ZNF790: variants seen among roughly 807,000 people sequenced by gnomAD.
ZNF790 encodes the protein zinc finger protein 790.
ZNF790 carries 8 observed loss-of-function variants against 12.1 expected under a neutral mutation model. That is an observed-to-expected ratio of 0.66 (90% CI 0.39 to 1.19). The LOEUF is 1.19. Ranked by LOEUF, ZNF790 falls within the 50% of genes most tolerant of loss-of-function variation. ZNF790 has a pLI of 0.01. For missense variants in ZNF790, 707 were observed against 752.2 expected (o/e 0.94, Z 0.70); for synonymous variants, 252 against 244.3 (o/e 1.03, Z -0.29).
chr19:36,819,417 G>T lies in ZNF790; in HGVS notation c.927C>A (p.Pro309=). The change falls in exon 5 of 5, where the codon CCC becomes CCA. Residue 309 remains proline (P), a synonymous_variant. Coordinates refer to ENST00000356725, the MANE Select transcript of ZNF790 (RefSeq NM_206894.4). The stretch of plus-strand genomic sequence containing the variant: ...CCTTTCTACATTCATTACATTCATA[G>T]GGTTTTTCACCAGTATGAATTCTCT... ...RHQRIHTGEK[P]YECNECRKAF... 6.8e-6 allele frequency: 11 copies of T among 1,610,156 alleles called. No homozygotes were observed. Among genetic ancestry groups the T allele is most frequent in the Non-Finnish European group, 9.3e-6 (11 of 1,177,750 alleles).
rs2071587426 is a variant in ZNF790 at position 36,818,310 on chromosome 19, G to A, written c.*123C>T. 7 of 836,758 alleles carry A rather than the reference G, an allele frequency of 8.4e-6. No individual in the cohort carries two copies. The highest frequency in any genetic ancestry group is 1.2e-5 in the Non-Finnish European group (7 of 576,096). 51.8% of individuals were successfully genotyped at this position (836,758 alleles called of 1,614,324 possible). ...GCTGCTGCTGCTGCTGCTGCTGGAT[G>A]TGTGCTCTGTTAAAATGCCTTCCAA... On this transcript the variant is annotated 3_prime_UTR_variant, in exon 5 of 5. Coordinates refer to ENST00000356725, the MANE Select transcript of ZNF790 (RefSeq NM_206894.4).
At position 36,823,282 on chromosome 19, in the gene ZNF790, C is replaced by T; in HGVS notation, c.229+3G>A. 2 of 1,613,606 alleles carry T rather than the reference C, an allele frequency of 1.2e-6. No individual in the cohort carries two copies. Among genetic ancestry groups the T allele is most frequent in the Non-Finnish European group, 1.7e-6 (2 of 1,179,624 alleles). On this transcript the variant is annotated splice_donor_region_variant and intron_variant, in intron 4 of 4. Coordinates refer to ENST00000356725, the MANE Select transcript of ZNF790 (RefSeq NM_206894.4). ...TCCTTGTGCGTGTTCAGCCCTCACT[C>T]ACCTGGGCAAGGTCCTCTTGTCTCA...
rs1247143860 is a variant in ZNF790, at chr19:36,848,108, C to T, written c.-74+1894G>A. Among the ~76,000 whole-genome samples, 7 of 152,320 alleles carry T rather than the reference C, an allele frequency of 4.6e-5. No individual in the cohort carries two copies. In the East Asian group the frequency reaches 1.4e-3, roughly 29 times the overall value. On this transcript the variant is annotated intron_variant, in intron 1 of 4. Transcript: ENST00000528994. ...ACTAAGGGACTAAGACACTTCAGTT[C>T]CTGAAATAGCACCAGAGTAATAAAT...
intron 1 of ZNF790, among the ~76,000 whole-genome samples, chr19:36,835,326 T>A (rs2072024541): frequency 6.6e-6 from 1 of 152,074 alleles, no homozygotes; most frequent in African/African-American, 2.4e-5. Flanking sequence ...AATACACCTC[T>A]CTCAATCCAA....
At chr19:36,823,264 G>A in intron 4 of ZNF790, 21 bp downstream of exon 4, 2 of 1,599,546 alleles carry the variant, frequency 1.3e-6, no homozygotes, top group Non-Finnish European at 1.7e-6. Context: ...GCCTCCTTGT[G>A]CGTGTTCAGC....
chr19:36,823,479 A>G, intron 3 of ZNF790, 99 bp from the exon 4 acceptor site: 1 of 1,315,308 alleles, frequency 7.6e-7, no homozygotes, highest in South Asian at 1.3e-5. Context: ...AATTACAGGC[A>G]GGACAAAAAT....
intron 1 of ZNF790, among the ~76,000 whole-genome samples, chr19:36,832,319 T>A (rs1205520866): frequency 1.3e-5 from 2 of 152,208 alleles, no homozygotes; most frequent in Non-Finnish European, 2.9e-5. Context: ...CAGTATGTGG[T>A]ATTCACAACA....
chr19:36,848,816 CG>C (rs1261585310), intron 1 of ZNF790, among the ~76,000 whole-genome samples: 1 of 151,562 alleles, frequency 6.6e-6, no homozygotes, highest in Non-Finnish European at 1.5e-5. Flanking sequence ...TTTTTTGAGA[CG>C]GAGTCTCACT....
At chr19:36,825,502 T>A in intron 2 of ZNF790, 109 bp downstream of exon 2, 2 of 1,149,778 alleles carry the variant, frequency 1.7e-6, no homozygotes, top group Non-Finnish European at 1.3e-6. Flanking sequence ...TCATTACTTA[T>A]GACACTCAAT....
At chr19:36,832,018 A>G (rs908632809) in intron 1 of ZNF790, among the ~76,000 whole-genome samples, 11 of 152,202 alleles carry the variant, frequency 7.2e-5, no homozygotes, top group African/African-American at 1.2e-4. Flanking sequence ...AAATCTTCCA[A>G]TATACTTGTG....
At chr19:36,835,999 G>A (rs1024977325) in intron 1 of ZNF790, among the ~76,000 whole-genome samples, 1 of 151,920 alleles carries the variant, frequency 6.6e-6, no homozygotes, top group Non-Finnish European at 1.5e-5. Context: ...AAGTAGCATC[G>A]TCCTAGTTTC....
At chr19:36,827,141 C>CACACACACACATATATAT (rs1313807327) in intron 1 of ZNF790, among the ~76,000 whole-genome samples, 16 of 84,434 alleles carry the variant, frequency 1.9e-4, no homozygotes, top group African/African-American at 8.3e-4. Context: ...CACACACACA[C>CACACACACACATATATAT]ATATATATAT....
intron 3 of ZNF790, 96 bp from the exon 4 acceptor site, chr19:36,823,476 G>C: frequency 7.6e-7 from 1 of 1,321,598 alleles, no homozygotes; most frequent in Non-Finnish European, 1.1e-6. Context: ...AACAATTACA[G>C]GCAGGACAAA....
At chr19:36,847,349 T>C (rs1321952936) in intron 1 of ZNF790, among the ~76,000 whole-genome samples, 2 of 152,096 alleles carry the variant, frequency 1.3e-5, no homozygotes, top group Non-Finnish European at 2.9e-5. Flanking sequence ...AGACTTTGTC[T>C]TGGGAAAAAA....
At chr19:36,825,427 T>C (rs190243502) in intron 2 of ZNF790, among the ~76,000 whole-genome samples, 184 bp downstream of exon 2, 3 of 152,330 alleles carry the variant, frequency 2.0e-5, no homozygotes, top group East Asian at 1.9e-4. Flanking sequence ...CCCTGGTGGA[T>C]AGATTTGGTC....
intron 4 of ZNF790, among the ~76,000 whole-genome samples, chr19:36,821,619 T>C (rs2071673757): frequency 6.6e-6 from 1 of 152,160 alleles, no homozygotes; most frequent in African/African-American, 2.4e-5. Flanking sequence ...AGTCTCACTC[T>C]GTCGCCCAGG....
chr19:36,838,143 CACAA>C lies in ZNF790; in HGVS notation c.-74+190_-74+193del, dbSNP rs1568342680. The stretch of plus-strand genomic sequence containing the variant: ...ACACACACACATACACACACACACA[CACAA>C]GCTCCCGTCGCGGCCCCAGCTCCTG... On this transcript the variant is annotated intron_variant, in intron 1 of 4. Transcript: ENST00000356725. This position sits in a 1 kb window ranked among gnomAD's most constrained non-coding sequence, Gnocchi z 4.4. 5.3e-5 allele frequency: 8 copies of C among 152,312 alleles called. No homozygotes were observed. Among genetic ancestry groups the C allele is most frequent in the South Asian group, 2.1e-4 (1 of 4,772 alleles). The allele number at this position is 152,312 out of a possible 1,614,324, so 9.4% of individuals were successfully genotyped here. A position where few individuals can be genotyped will look rare whatever the true frequency, so the allele number is the denominator to read the frequency against.
chr19:36,827,129 CACACACACACACATATATATAT>C (rs2071829798), intron 1 of ZNF790, among the ~76,000 whole-genome samples: 1 of 71,424 alleles, frequency 1.4e-5, no homozygotes. Flanking sequence ...CACACACACA[CACACACACACACATATATATAT>C]ATATATATAT....
chr19:36,832,673 A>T (rs115330544), intron 1 of ZNF790, among the ~76,000 whole-genome samples: 2,610 of 152,274 alleles, frequency 0.017, 37 homozygotes, highest in Middle Eastern at 0.051. Flanking sequence ...CTTCCCAGCT[A>T]AGCCACTCCT....
Sources: gnomAD v4.1 joint callset for allele counts (sites outside exome capture counted in the v4.1 genomes callset) on GRCh38, gnomAD v4.1.1 for gene constraint, Gnocchi (gnomAD v3.1) non-coding constraint, MANE v1.5 for transcripts, NCBI Gene and HGNC (gene_info 2026-07-23, HGNC 2026-07-21) for gene names.